The following SMYD3 variants were observed in gnomAD, a reference collection of about 807,000 sequenced individuals.
SMYD3 encodes SET and MYND domain containing 3, also known as histone-lysine N-methyltransferase SMYD3.
SMYD3 carries 36 observed loss-of-function variants against 57.7 expected under a neutral mutation model. That is an observed-to-expected ratio of 0.62 (90% CI 0.48 to 0.82). The LOEUF is 0.82. SMYD3 is among the 40% of genes least tolerant of loss of function. The pLI is 0.00. For missense variants in SMYD3, 515 were observed against 538.8 expected, an observed-to-expected ratio of 0.96 and a Z score of 0.44; for synonymous variants, 211 against 195.0, an observed-to-expected ratio of 1.08 and a Z score of -0.68.
chr1:246,059,021 T>C (rs10924473), intron 5 of SMYD3, among the ~76,000 whole-genome samples: 36,381 of 151,776 alleles, frequency 0.24, 4,848 homozygotes, highest in East Asian at 0.39. Flanking sequence ...ACTGCAGGCG[T>C]CCGCCACCAT....
chr1:246,262,676 T>C (rs2064033251), intron 5 of SMYD3, among the ~76,000 whole-genome samples: 1 of 152,120 alleles, frequency 6.6e-6, no homozygotes, highest in Admixed American at 6.6e-5. Flanking sequence ...CTCTGACACC[T>C]AGCACAGTAC....
chr1:245,852,050 T>C (rs2051003065), intron 10 of SMYD3, among the ~76,000 whole-genome samples: 10 of 152,216 alleles, frequency 6.6e-5, no homozygotes, highest in Admixed American at 6.5e-4. Context: ...GCAAGCTGGA[T>C]GAAGGCATGG....
chr1:245,947,902 C>T (rs1193816290), intron 5 of SMYD3, among the ~76,000 whole-genome samples: 6 of 152,148 alleles, frequency 3.9e-5, no homozygotes, highest in African/African-American at 4.8e-5. Context: ...TCACAGTGTA[C>T]GTAACTAGTG....
chr1:245,804,694 A>C (rs1257375944), intron 10 of SMYD3, among the ~76,000 whole-genome samples: 1 of 152,184 alleles, frequency 6.6e-6, no homozygotes, highest in African/African-American at 2.4e-5. Flanking sequence ...AGAGGGAACT[A>C]ACTTAGGCCC....
chr1:245,920,293 A>G (rs983646511), intron 7 of SMYD3, among the ~76,000 whole-genome samples: 1 of 122,816 alleles, frequency 8.1e-6, no homozygotes, highest in African/African-American at 3.2e-5. Context: ...AGCCTGGGCG[A>G]CAGAGCGAGA....
At chr1:245,778,077 G>A (rs2046678003) in intron 10 of SMYD3, among the ~76,000 whole-genome samples, 2 of 152,032 alleles carry the variant, frequency 1.3e-5, no homozygotes, top group African/African-American at 2.4e-5. Flanking sequence ...TAAAAATGAA[G>A]GTGAATATAG....
chr1:246,037,081 T>C (rs1460804182), intron 5 of SMYD3, among the ~76,000 whole-genome samples: 1 of 152,170 alleles, frequency 6.6e-6, no homozygotes, highest in African/African-American at 2.4e-5. Context: ...TGTATTCCTA[T>C]TACAAACAAG....
intron 8 of SMYD3, among the ~76,000 whole-genome samples, chr1:245,894,388 G>C (rs1463928515): frequency 1.3e-5 from 2 of 152,030 alleles, no homozygotes; most frequent in East Asian, 3.9e-4. Context: ...ATAAAACCTG[G>C]CCACCCCAAC....
At chr1:246,442,316 G>A (rs1390535151) in intron 1 of SMYD3, among the ~76,000 whole-genome samples, 1 of 152,108 alleles carries the variant, frequency 6.6e-6, no homozygotes, top group Non-Finnish European at 1.5e-5. Flanking sequence ...CAGCACTTTG[G>A]GAGGCCGAGG....
chr1:246,111,359 T>C (rs1403705600), intron 5 of SMYD3: 5 of 152,160 alleles, frequency 3.3e-5, no homozygotes, highest in Non-Finnish European at 4.4e-5. Flanking sequence ...GCTACTTACA[T>C]GGTCCAGCAT....
intron 5 of SMYD3, among the ~76,000 whole-genome samples, chr1:246,237,658 T>C (rs1437334331): frequency 6.6e-6 from 1 of 152,236 alleles, no homozygotes; most frequent in South Asian, 2.1e-4. Context: ...TGTAAACCTC[T>C]AGTATGCACA....
intron 5 of SMYD3, among the ~76,000 whole-genome samples, chr1:246,046,560 C>A (rs2059969230): frequency 6.6e-6 from 1 of 151,374 alleles, no homozygotes; most frequent in Non-Finnish European, 1.5e-5. Flanking sequence ...ACCAACATGG[C>A]ACATGTATAC....
intron 10 of SMYD3, among the ~76,000 whole-genome samples, chr1:245,856,412 T>G (rs1265696123): frequency 1.3e-5 from 2 of 152,186 alleles, no homozygotes; most frequent in East Asian, 1.9e-4. Context: ...CTTGGAAATT[T>G]GTCACCCAGC....
intron 1 of SMYD3, 44 bp downstream of exon 1, chr1:246,507,010 C>CCCCCCCCCA: frequency 7.3e-7 from 1 of 1,371,740 alleles, no homozygotes; most frequent in Non-Finnish European, 9.7e-7. Flanking sequence ...CCCAGCACCC[C>CCCCCCCCCA]ACACAGCTCG....
intron 1 of SMYD3, among the ~76,000 whole-genome samples, chr1:246,433,732 C>A (rs2067331561): frequency 6.6e-6 from 1 of 152,182 alleles, no homozygotes; most frequent in Non-Finnish European, 1.5e-5. Flanking sequence ...CTATGCCTAT[C>A]AAACTACCAA....
chr1:246,141,791 C>G (rs2061761024), intron 5 of SMYD3, among the ~76,000 whole-genome samples: 1 of 152,242 alleles, frequency 6.6e-6, no homozygotes, highest in Non-Finnish European at 1.5e-5. Flanking sequence ...GAATACAGCA[C>G]TAGTTGCTGT....
chr1:246,389,923 C>T (rs1572451400), intron 1 of SMYD3, among the ~76,000 whole-genome samples: 2 of 152,098 alleles, frequency 1.3e-5, no homozygotes, highest in South Asian at 2.1e-4. Context: ...ACTCAGCTGC[C>T]GTGGTGAAAA....
intron 2 of SMYD3, among the ~76,000 whole-genome samples, chr1:246,341,587 G>T (rs2065634205): frequency 6.6e-6 from 1 of 152,300 alleles, no homozygotes; most frequent in South Asian, 2.1e-4. Flanking sequence ...AAGAAGAAAT[G>T]AAAGTAGACT....
chr1:245,792,777 G>A (rs2047330532), intron 10 of SMYD3, among the ~76,000 whole-genome samples: 1 of 152,178 alleles, frequency 6.6e-6, no homozygotes, highest in Non-Finnish European at 1.5e-5. Flanking sequence ...CAGGGTTTGG[G>A]TGGACGAAGG....
Sources: allele counts gnomAD v4.1 joint callset (sites outside exome capture counted in the v4.1 genomes callset), GRCh38; gene constraint gnomAD v4.1.1; transcripts MANE v1.5; gene names NCBI Gene and HGNC (gene_info 2026-07-23, HGNC 2026-07-21).